The following IFT81 variants were observed in gnomAD, a reference collection of about 807,000 sequenced individuals.
IFT81 encodes the protein intraflagellar transport protein 81 homolog.
IFT81 carries 72 observed loss-of-function variants against 102.6 expected under a neutral mutation model. The observed-to-expected ratio is 0.70, with a 90% confidence interval of 0.58 to 0.85. IFT81 has a LOEUF of 0.85. IFT81 is among the 40% of genes least tolerant of loss of function. The pLI, the probability that IFT81 is intolerant of heterozygous loss-of-function variation, is 0.00. For missense variants in IFT81, 723 were observed against 787.3 expected, an observed-to-expected ratio of 0.92 and a Z score of 0.98; for synonymous variants, 237 against 242.7, an observed-to-expected ratio of 0.98 and a Z score of 0.22.
At chr12:110,190,782 C>T (rs2137545281) in intron 12 of IFT81, 138 bp from the exon 13 acceptor site, 2 of 666,042 alleles carry the variant, frequency 3.0e-6, no homozygotes, top group East Asian at 6.5e-5. Context: ...TAATTGAAGT[C>T]AATGAAGATT....
rs939019441 is a variant in IFT81, at chr12:110,218,135, A to G, written c.1940A>G (p.Glu647Gly). The part of the protein sequence containing the change: ...KMWRDLEQLM[E>G]CKKQCFLKQQ... ...TGGCGTGATTTGGAACAATTAATGG[A>G]ATGTAAGAAACAGTGCTTTCTGAAA... Residue 647 changes from glutamate to glycine, a missense_variant, in exon 19 of 19, where the codon GAA becomes GGA. Glu to Gly is a moderately conservative substitution (Grantham distance 98). Coordinates refer to ENST00000242591, the MANE Select transcript of IFT81 (RefSeq NM_014055.4). 2.4e-5 allele frequency: 39 copies of G among 1,599,532 alleles called. No individual in the cohort carries two copies. Among genetic ancestry groups the G allele is most frequent in the Non-Finnish European group, 3.0e-5 (35 of 1,176,238 alleles).
Position 110,213,729 on chromosome 12 carries a change from G to C in IFT81, c.1849-4315G>C, listed in dbSNP as rs143959580. Among the ~76,000 whole-genome samples, 15 of 152,204 alleles carry C rather than the reference G, an allele frequency of 9.9e-5. No homozygotes were observed. In the East Asian group the frequency reaches 2.9e-3, roughly 29 times the overall value. On this transcript the variant is annotated intron_variant, in intron 18 of 18. Transcript: ENST00000242591. ...TTACTGGTTTTCAAAATGATGAGTTGGTTCTTTATCATCCTTCAAAAGTAA... is the reference window on the plus strand; with the variant it reads ...TTACTGGTTTTCAAAATGATGAGTTCGTTCTTTATCATCCTTCAAAAGTAA...
At chr12:110,154,488 G>A (rs905410606) in intron 10 of IFT81, among the ~76,000 whole-genome samples, 4 of 151,562 alleles carry the variant, frequency 2.6e-5, no homozygotes, top group South Asian at 4.2e-4. Flanking sequence ...AAAATTAGCC[G>A]GGCATGATGG....
At chr12:110,132,737 T>A (rs955935488) in intron 5 of IFT81, 101 bp downstream of exon 5, 3 of 577,414 alleles carry the variant, frequency 5.2e-6, no homozygotes, top group African/African-American at 4.0e-5. Flanking sequence ...ATATGGAGAC[T>A]AGTGATAGCA....
intron 11 of IFT81, among the ~76,000 whole-genome samples, chr12:110,174,503 A>C (rs1419158127): frequency 6.6e-6 from 1 of 151,768 alleles, no homozygotes; most frequent in African/African-American, 2.4e-5. Context: ...TAAACAATGT[A>C]AAGTGCTTAT....
chr12:110,172,632 G>A (rs1255172409), intron 11 of IFT81, among the ~76,000 whole-genome samples: 4 of 151,876 alleles, frequency 2.6e-5, no homozygotes, highest in African/African-American at 4.8e-5. Context: ...CGAGTGATCC[G>A]CCAGCCTCGG....
At chr12:110,176,143 TC>T (rs1245503164) in intron 11 of IFT81, among the ~76,000 whole-genome samples, 1 of 152,030 alleles carries the variant, frequency 6.6e-6, no homozygotes, top group Non-Finnish European at 1.5e-5. Context: ...TCATTGCATA[TC>T]CTTGGCCATT....
chr12:110,201,516 A>G lies in IFT81; in HGVS notation c.1558-2348A>G, dbSNP rs1048399629. 3.3e-5 allele frequency among the ~76,000 whole-genome samples: 5 copies of G among 151,986 alleles called. 1 individual carries two copies. In the South Asian group the frequency reaches 1.0e-3, roughly 32 times the overall value. The stretch of plus-strand genomic sequence containing the variant: ...CACCATCATGGCTCACTGCAGCCTC[A>G]ACCTCCCGGCCTCAAGCAGCTCTCT... On this transcript the variant is annotated intron_variant, in intron 14 of 18. Transcript: ENST00000242591.
intron 18 of IFT81, among the ~76,000 whole-genome samples, chr12:110,212,511 C>T (rs1869587297): frequency 6.6e-6 from 1 of 150,428 alleles, no homozygotes; most frequent in South Asian, 2.1e-4. Context: ...GCACTCCAGC[C>T]TGTGCGACAC....
At chr12:110,143,344 T>C (rs886976227) in intron 8 of IFT81, 38 bp from the exon 9 acceptor site, 4 of 1,168,476 alleles carry the variant, frequency 3.4e-6, no homozygotes, top group Non-Finnish European at 4.5e-6. Flanking sequence ...CTGTACCTAC[T>C]CTTTTGGGCT....
At chr12:110,196,461 A>G (rs980628755) in intron 14 of IFT81, among the ~76,000 whole-genome samples, 1 of 152,238 alleles carries the variant, frequency 6.6e-6, no homozygotes, top group Non-Finnish European at 1.5e-5. Context: ...CGGAGGTTGC[A>G]GTGAGCTGAG....
At chr12:110,197,247 G>GATA (rs1330008469) in intron 14 of IFT81, among the ~76,000 whole-genome samples, 62 of 134,798 alleles carry the variant, frequency 4.6e-4, no homozygotes, top group East Asian at 1.1e-3. Flanking sequence ...TAGGTAGGTA[G>GATA]GTAGATAGAT....
chr12:110,132,328 C>T lies in IFT81; in HGVS notation c.430-219C>T, dbSNP rs545346450. Among the ~76,000 whole-genome samples the T allele has an allele frequency of 3.3e-5, 5 of 151,950 alleles. No individual in the cohort carries two copies. The South Asian group carries it at 8.3e-4, about 25-fold the overall frequency. On this transcript the variant is annotated intron_variant, in intron 4 of 18. Coordinates refer to ENST00000242591, the MANE Select transcript of IFT81 (RefSeq NM_014055.4). Reference sequence around the variant, plus strand: ...TACAAAAATTAGCCGGGCGTGGTGGCGCGCGCATGTAATCCCAGGTACTCA... The same window carrying T: ...TACAAAAATTAGCCGGGCGTGGTGGTGCGCGCATGTAATCCCAGGTACTCA...
chr12:110,174,457 G>GGA (rs1555265400), intron 11 of IFT81, among the ~76,000 whole-genome samples: 2,188 of 55,208 alleles, frequency 0.04, 66 homozygotes, highest in African/African-American at 0.1. Context: ...CTCCGTCTCA[G>GGA]AAAAAAAAAA....
chr12:110,144,417 G>A (rs1409181435), intron 9 of IFT81, among the ~76,000 whole-genome samples: 20 of 151,512 alleles, frequency 1.3e-4, no homozygotes, highest in African/African-American at 4.6e-4. Flanking sequence ...GGGTTTCACC[G>A]TGTTGGTCAT....
intron 11 of IFT81, among the ~76,000 whole-genome samples, chr12:110,178,430 A>AT (rs1184774875): frequency 6.6e-6 from 1 of 150,832 alleles, no homozygotes; most frequent in African/African-American, 2.4e-5. Context: ...AAAAAAAAAA[A>AT]GAAAGAAAGA....
intron 11 of IFT81, among the ~76,000 whole-genome samples, chr12:110,176,040 A>G (rs986295688): frequency 1.3e-5 from 2 of 151,852 alleles, no homozygotes; most frequent in Admixed American, 1.3e-4. Context: ...CTCTGTGTCT[A>G]TGTTTCCACG....
Position 110,203,927 on chromosome 12 carries a change from A to G in IFT81, c.1621A>G (p.Ser541Gly), listed in dbSNP as rs367863559. ...QYDSCAAGLE[S>G]NRSKLEQEVR... is the part of the protein sequence containing the mutation. ...TGATAGCTGTGCAGCAGGCCTCGAAAGCAATCGGTCCAAATTAGAACAGGT... is the reference window on the plus strand; with the variant it reads ...TGATAGCTGTGCAGCAGGCCTCGAAGGCAATCGGTCCAAATTAGAACAGGT... The change falls in exon 15 of 19, where the codon AGC becomes GGC. Residue 541 changes from serine to glycine, a missense_variant. Physicochemically the swap from Ser to Gly is moderately conservative, Grantham distance 56 (BLOSUM62 0). Coordinates refer to ENST00000242591, the MANE Select transcript of IFT81 (RefSeq NM_014055.4). 1.2e-6 allele frequency: 2 copies of G among 1,613,182 alleles called. No homozygotes were observed. The highest frequency in any genetic ancestry group is 1.7e-6 in the Non-Finnish European group (2 of 1,179,366).
rs187877621 is a variant in IFT81 at position 110,139,707 on chromosome 12, G to A, written c.781+2847G>A. On this transcript the variant is annotated intron_variant, in intron 8 of 18. Coordinates refer to ENST00000242591, the MANE Select transcript of IFT81 (RefSeq NM_014055.4). The stretch of plus-strand genomic sequence containing the variant: ...GAGAATGGCATGAACCCGGGAGGCA[G>A]AGCTTGCAGTGAGCTGAGATCACGC... Among the ~76,000 whole-genome samples the A allele has an allele frequency of 2.6e-3, 386 of 151,280 alleles. 2 individuals are homozygous for A. Among genetic ancestry groups the A allele is most frequent in the African/African-American group, 8.4e-3 (347 of 41,180 alleles).
Sources: allele counts gnomAD v4.1 joint callset (sites outside exome capture counted in the v4.1 genomes callset), GRCh38; gene constraint gnomAD v4.1.1; transcripts MANE v1.5; gene names NCBI Gene and HGNC (gene_info 2026-07-23, HGNC 2026-07-21).